The following ESR2 variants were observed in gnomAD, a reference collection of about 807,000 sequenced individuals.
ESR2 encodes estrogen receptor 2, also known as estrogen receptor beta.
Under a neutral mutation model 49.6 loss-of-function variants are expected in ESR2, and 36 were observed. That is an observed-to-expected ratio of 0.73 (90% CI 0.56 to 0.96). ESR2 has a LOEUF of 0.96. Among genes scored for constraint, ESR2 ranks in the 40% least tolerant of loss-of-function variants. The pLI is 0.00. For synonymous variants in ESR2, 320 were observed against 266.1 expected (o/e 1.20, Z -1.97); for missense variants, 714 against 693.0 (o/e 1.03, Z -0.34).
chr14:64,279,757 G>A (rs1410942557), intron 3 of ESR2, among the ~76,000 whole-genome samples: 1 of 152,248 alleles, frequency 6.6e-6, no homozygotes, highest in African/African-American at 2.4e-5. Context: ...CGAGGGGTAA[G>A]ACCCATTCGA....
At chr14:64,269,053 G>GA in intron 3 of ESR2, 142 bp from the exon 4 acceptor site, 1 of 575,552 alleles carries the variant, frequency 1.7e-6, no homozygotes, top group Admixed American at 3.2e-5. Context: ...CAAAGCCAAA[G>GA]TCAAGCTACA....
chr14:64,337,998 G>T, exon 1 of ESR2: 1 of 153,740 alleles, frequency 6.5e-6, no homozygotes, highest in Non-Finnish European at 1.5e-5. Flanking sequence ...GTCCTCTCCA[G>T]CATCCCAGCT....
intron 8 of ESR2, chr14:64,234,661 G>T: frequency 2.0e-6 from 1 of 493,874 alleles, no homozygotes; most frequent in Non-Finnish European, 3.5e-6. Flanking sequence ...AAACAGGGGT[G>T]GCAGTTCGTG....
intron 4 of ESR2, among the ~76,000 whole-genome samples, chr14:64,267,481 C>A (rs1236573750): frequency 1.3e-5 from 2 of 152,132 alleles, no homozygotes; most frequent in Admixed American, 1.3e-4. Flanking sequence ...ATGAAGAGAA[C>A]TTCTGCTGTA....
At chr14:64,288,677 G>A (rs2076820887) in intron 1 of ESR2, among the ~76,000 whole-genome samples, 1 of 149,770 alleles carries the variant, frequency 6.7e-6, no homozygotes, top group African/African-American at 2.4e-5. Context: ...CAAAGCACCT[G>A]TAAATCTAGT....
At chr14:64,310,286 A>AAAAAAAAAATAATAAAAAATAAT (rs1555595498) in intron 1 of ESR2, among the ~76,000 whole-genome samples, 2 of 142,468 alleles carry the variant, frequency 1.4e-5, no homozygotes, top group African/African-American at 5.3e-5. Context: ...TCGTCTCAAA[A>AAAAAAAAAATAATAAAAAATAAT]AATAATAATA....
intron 3 of ESR2, among the ~76,000 whole-genome samples, chr14:64,270,619 T>C (rs898394560): frequency 1.3e-5 from 2 of 152,094 alleles, no homozygotes; most frequent in Non-Finnish European, 2.9e-5. Context: ...CAAGTGATAC[T>C]CCTGCCTCAG....
upstream of ESR2, among the ~76,000 whole-genome samples, chr14:64,298,125 T>C: frequency 6.6e-6 from 1 of 152,234 alleles, no homozygotes; most frequent in East Asian, 1.9e-4. Context: ...CATTTGAAAC[T>C]TGAATTTGGA....
Position 64,268,424 on chromosome 14 carries a change from G to A in ESR2, c.652+371C>T, listed in dbSNP as rs559543140. On this transcript the variant is annotated intron_variant, in intron 4 of 8. Coordinates refer to ENST00000341099, the MANE Select transcript of ESR2 (RefSeq NM_001437.3). ...AGTTTTAACCATGGACATTTACCAC[G>A]ACTTCATCCTTAGAACTGGACTTTT... Among the ~76,000 whole-genome samples the A allele has an allele frequency of 2.0e-5, 3 of 152,218 alleles. No homozygotes were observed. The South Asian group carries it at 6.2e-4, about 32-fold the overall frequency.
chr14:64,228,768 A>G lies in ESR2; in HGVS notation c.*4369T>C, dbSNP rs1252878412. 1.3e-5 allele frequency among the ~76,000 whole-genome samples: 2 copies of G among 152,184 alleles called. No individual in the cohort carries two copies. The highest frequency in any genetic ancestry group is 2.4e-5 in the African/African-American group (1 of 41,436). ...CAGTTTACCAGTGGCTGGCCCTACAAGTGAATAGGATCCTCGGAATTAAAA... is the reference window on the plus strand; with the variant it reads ...CAGTTTACCAGTGGCTGGCCCTACAGGTGAATAGGATCCTCGGAATTAAAA... On this transcript the variant is annotated 3_prime_UTR_variant, in exon 9 of 9. Coordinates refer to ENST00000341099, the MANE Select transcript of ESR2 (RefSeq NM_001437.3).
At chr14:64,234,154 C>G (rs953107462) in intron 8 of ESR2, 1 of 152,232 alleles carries the variant, frequency 6.6e-6, no homozygotes, top group Non-Finnish European at 1.5e-5. Context: ...AACACAGGAT[C>G]TGTTCTGCAA....
intron 3 of ESR2, 72 bp downstream of exon 3, chr14:64,279,909 C>T (rs1567772102): frequency 1.5e-6 from 2 of 1,295,554 alleles, no homozygotes; most frequent in Admixed American, 1.7e-5. Flanking sequence ...ACATTTCTGC[C>T]AAGTCATCTC....
chr14:64,254,966 A>G (rs1248745361), intron 6 of ESR2, among the ~76,000 whole-genome samples: 2 of 152,178 alleles, frequency 1.3e-5, no homozygotes, highest in African/African-American at 4.8e-5. Context: ...GTGTAAGTCT[A>G]TTAGAAATAA....
At chr14:64,235,476 A>G (rs1197092220) in intron 7 of ESR2, among the ~76,000 whole-genome samples, 1 of 152,220 alleles carries the variant, frequency 6.6e-6, no homozygotes, top group East Asian at 1.9e-4. Flanking sequence ...CATCTGCAGC[A>G]ACAGATACAG....
chr14:64,238,185 C>T (rs2075646338), intron 7 of ESR2, among the ~76,000 whole-genome samples: 1 of 152,164 alleles, frequency 6.6e-6, no homozygotes. Flanking sequence ...TTGTGTTACC[C>T]ACTTCACGAA....
chr14:64,254,942 A>C (rs2076068715), intron 6 of ESR2, among the ~76,000 whole-genome samples: 1 of 152,108 alleles, frequency 6.6e-6, no homozygotes, highest in African/African-American at 2.4e-5. Flanking sequence ...ACTTTCACTT[A>C]AGTTATAAAG....
chr14:64,329,013 G>C (rs2077422436), intron 1 of ESR2, among the ~76,000 whole-genome samples: 1 of 152,004 alleles, frequency 6.6e-6, no homozygotes, highest in South Asian at 2.1e-4. Flanking sequence ...TATTTATATT[G>C]TAATTCTACT....
chr14:64,235,262 G>A, intron 7 of ESR2, 112 bp from the exon 8 acceptor site: 2 of 1,079,220 alleles, frequency 1.9e-6, no homozygotes, highest in Non-Finnish European at 2.7e-6. Context: ...TTTGACAGCT[G>A]CATGTGTGGC....
At chr14:64,259,379 C>T (rs1002446881) in intron 5 of ESR2, among the ~76,000 whole-genome samples, 11 of 152,182 alleles carry the variant, frequency 7.2e-5, no homozygotes, top group Non-Finnish European at 1.6e-4. Flanking sequence ...CCAGTGCAGT[C>T]GCTGCCCTCC....
Sources: gnomAD v4.1 joint callset for allele counts (sites outside exome capture counted in the v4.1 genomes callset) on GRCh38, gnomAD v4.1.1 for gene constraint, MANE v1.5 for transcripts, NCBI Gene and HGNC (gene_info 2026-07-23, HGNC 2026-07-21) for gene names.